LRRC7: variants seen among roughly 807,000 people sequenced by gnomAD.
The protein encoded by LRRC7 is leucine-rich repeat-containing protein 7.
A neutral mutation model predicts 175.7 loss-of-function variants in LRRC7; 23 were observed. That is an observed-to-expected ratio of 0.13 (90% CI 0.09 to 0.19). The LOEUF (loss-of-function observed/expected upper bound fraction) is 0.19. Among genes scored for constraint, LRRC7 ranks in the 10% least tolerant of loss-of-function variants. The pLI is 1.00. For missense variants in LRRC7, 1,354 were observed against 1,904.7 expected, an observed-to-expected ratio of 0.71 and a Z score of 5.38; for synonymous variants, 685 against 680.9, an observed-to-expected ratio of 1.01 and a Z score of -0.09.
At chr1:69,819,443 A>T (rs1374733607) in intron 4 of LRRC7, among the ~76,000 whole-genome samples, 3 of 151,816 alleles carry the variant, frequency 2.0e-5, no homozygotes, top group Non-Finnish European at 4.4e-5. Flanking sequence ...ATATTATTTC[A>T]GTCTTTGTAA....
intron 18 of LRRC7, among the ~76,000 whole-genome samples, chr1:70,034,219 C>A (rs1428088244): frequency 6.6e-6 from 1 of 152,092 alleles, no homozygotes; most frequent in Admixed American, 6.6e-5. Context: ...AGGCTTTTAT[C>A]CTCCCTTCTG....
chr1:69,647,215 C>T (rs1478131877), intron 1 of LRRC7, among the ~76,000 whole-genome samples: 1 of 152,090 alleles, frequency 6.6e-6, no homozygotes, highest in African/African-American at 2.4e-5. Flanking sequence ...ACACACTTTG[C>T]TAGCCAGCAC....
intron 7 of LRRC7, among the ~76,000 whole-genome samples, chr1:69,870,564 G>GA (rs1233940442): frequency 6.6e-6 from 1 of 151,832 alleles, no homozygotes; most frequent in Non-Finnish European, 1.5e-5. Context: ...GCTCCCTTAT[G>GA]AAAAAAATAT....
intron 5 of LRRC7, among the ~76,000 whole-genome samples, chr1:69,828,624 A>T (rs1469781925): frequency 2.0e-5 from 3 of 152,224 alleles, no homozygotes; most frequent in South Asian, 2.1e-4. Flanking sequence ...AACAATTAAT[A>T]GATTAGAAAG....
intron 11 of LRRC7, among the ~76,000 whole-genome samples, chr1:69,998,752 G>A (rs1315095258): frequency 6.6e-6 from 1 of 152,160 alleles, no homozygotes; most frequent in Non-Finnish European, 1.5e-5. Context: ...ACAAGGAAAG[G>A]TAGCTTTTTC....
At chr1:69,829,385 G>A (rs1443064086) in intron 5 of LRRC7, among the ~76,000 whole-genome samples, 2 of 151,762 alleles carry the variant, frequency 1.3e-5, no homozygotes, top group African/African-American at 4.8e-5. Flanking sequence ...GGGCACATGT[G>A]ATAATTTGAT....
At chr1:69,964,153 G>T (rs544852132) in intron 8 of LRRC7, among the ~76,000 whole-genome samples, 18 of 152,212 alleles carry the variant, frequency 1.2e-4, no homozygotes, top group African/African-American at 3.9e-4. Flanking sequence ...TATGACTTTG[G>T]GCACATTCGT....
chr1:70,023,622 T>A (rs1657758687), intron 17 of LRRC7, among the ~76,000 whole-genome samples: 1 of 151,976 alleles, frequency 6.6e-6, no homozygotes, highest in Non-Finnish European at 1.5e-5. Flanking sequence ...TGGCATGGTT[T>A]TTGAGTTGGG....
chr1:69,765,159 T>C (rs1671486994), intron 3 of LRRC7, among the ~76,000 whole-genome samples: 1 of 152,118 alleles, frequency 6.6e-6, no homozygotes, highest in Non-Finnish European at 1.5e-5. Flanking sequence ...ATTATTTTTA[T>C]TAGAAGCAAC....
intron 8 of LRRC7, among the ~76,000 whole-genome samples, chr1:69,976,817 C>T (rs1353698834): frequency 6.6e-6 from 1 of 151,772 alleles, no homozygotes; most frequent in African/African-American, 2.4e-5. Context: ...ACTCTAGTTC[C>T]CCTCACATTC....
At position 70,082,794 on chromosome 1, in the gene LRRC7, T is replaced by C. The variant is rs1272867147; in HGVS notation, c.4452+6496T>C. Among the ~76,000 whole-genome samples the C allele has an allele frequency of 1.3e-4, 14 of 106,380 alleles. No individual in the cohort carries two copies. The South Asian group carries it at 1.4e-3, about 11-fold the overall frequency. 69.8% of individuals were successfully genotyped at this position (106,380 alleles called of 152,430 possible). ...TGATACCAGTACATTTTTTTTTTTT[T>C]TTTTTTTTTTTTTTTTTTGAGACAA... On this transcript the variant is annotated intron_variant, in intron 24 of 26. Transcript: ENST00000651989.
intron 1 of LRRC7, among the ~76,000 whole-genome samples, chr1:69,633,853 TA>T (rs891136638): frequency 3.9e-5 from 6 of 152,178 alleles, no homozygotes; most frequent in African/African-American, 1.4e-4. Context: ...AAATAATTCT[TA>T]AATAATATTA....
At chr1:69,939,901 G>A (rs1001848650) in intron 8 of LRRC7, among the ~76,000 whole-genome samples, 3 of 152,056 alleles carry the variant, frequency 2.0e-5, no homozygotes, top group Non-Finnish European at 4.4e-5. Context: ...TGTCTGAAAA[G>A]CAATCATTCC....
intron 7 of LRRC7, among the ~76,000 whole-genome samples, chr1:69,908,182 A>G (rs1161703550): frequency 1.3e-5 from 2 of 151,966 alleles, no homozygotes; most frequent in Non-Finnish European, 2.9e-5. Context: ...CTAGCGGTCT[A>G]TCAATTTTGT....
chr1:69,789,508 A>G (rs992080843), intron 3 of LRRC7, among the ~76,000 whole-genome samples: 1 of 152,062 alleles, frequency 6.6e-6, no homozygotes, highest in Non-Finnish European at 1.5e-5. Flanking sequence ...AAGAGCTGTT[A>G]AAATGCCTTT....
intron 4 of LRRC7, among the ~76,000 whole-genome samples, chr1:69,812,889 C>A (rs1187656437): frequency 6.6e-6 from 1 of 152,074 alleles, no homozygotes; most frequent in Non-Finnish European, 1.5e-5. Flanking sequence ...TGTTTTAGAT[C>A]ATCACCTCAA....
In LRRC7 at chr1:70,053,116, G is replaced by C. The variant is rs1168596136; in HGVS notation, c.4201G>C (p.Asp1401His). 1 of 1,610,116 alleles carries C rather than the reference G, an allele frequency of 6.2e-7. No homozygotes were observed. Among genetic ancestry groups the C allele is most frequent in the Admixed American group, 1.7e-5 (1 of 59,572 alleles). The stretch of plus-strand genomic sequence containing the variant: ...GAATCCTTATCCACTTGGGAGGCGG[G>C]ATGTACCTCCGGACACCATTACTAA... ...QWNPYPLGRRDVPPDTITKKA... is the reference protein window; with the variant it reads ...QWNPYPLGRRHVPPDTITKKA... The change falls in exon 23 of 27, where the codon GAT (aspartate) becomes CAT (histidine). Residue 1401 changes from aspartate to histidine, a missense_variant. This residue lies in a region of LRRC7 where 1,032 missense variants were observed against 1,227.2 expected (regional missense o/e 0.84). Transcript: ENST00000651989.
In LRRC7 at chr1:70,023,325, T is replaced by G. The variant is rs1217961542; in HGVS notation, c.1745T>G (p.Leu582Trp). 2 of 1,612,676 alleles carry G rather than the reference T, an allele frequency of 1.2e-6. No individual in the cohort carries two copies. The highest frequency in any genetic ancestry group is 1.7e-6 in the Non-Finnish European group (2 of 1,179,118). ...CAGGAAAGGAGCATGTGTACTCCATTGCCAGTTGCAGCACAATCCACCACT... is the reference window on the plus strand; with the variant it reads ...CAGGAAAGGAGCATGTGTACTCCATGGCCAGTTGCAGCACAATCCACCACT... ...LQQERSMCTPLPVAAQSTTLP... is the reference protein window; with the variant it reads ...LQQERSMCTPWPVAAQSTTLP... Residue 582 changes from leucine to tryptophan, a missense_variant, in exon 17 of 27, where the codon TTG (leucine) becomes TGG (tryptophan). Coordinates refer to ENST00000651989, the MANE Select transcript of LRRC7 (RefSeq NM_001370785.2).
At chr1:69,905,581 A>G (rs1177628395) in intron 7 of LRRC7, among the ~76,000 whole-genome samples, 1 of 152,214 alleles carries the variant, frequency 6.6e-6, no homozygotes, top group Non-Finnish European at 1.5e-5. Flanking sequence ...TACAAAGGAC[A>G]TGAACTCTTC....
Sources: allele counts gnomAD v4.1 joint callset (sites outside exome capture counted in the v4.1 genomes callset), GRCh38; gene constraint gnomAD v4.1.1; regional missense constraint gnomAD v4.1.1; transcripts MANE v1.5; gene names NCBI Gene and HGNC (gene_info 2026-07-23, HGNC 2026-07-21).